Variants in IPO11 observed in about 807,000 individuals in gnomAD.
The protein encoded by IPO11 is importin-11.
In IPO11, 66 loss-of-function variants were observed where a neutral mutation model predicts 143.2. That is an observed-to-expected ratio of 0.46 (90% CI 0.38 to 0.57). IPO11 has a LOEUF of 0.57. Among genes scored for constraint, IPO11 ranks in the 20% least tolerant of loss-of-function variants. The pLI is 0.00. For missense variants in IPO11, 1,026 were observed against 1,141.0 expected (o/e 0.90, Z 1.45); for synonymous variants, 385 against 377.8 (o/e 1.02, Z -0.22).
chr5:62,442,328 AT>A (rs1744514018), intron 2 of IPO11, among the ~76,000 whole-genome samples: 1 of 152,126 alleles, frequency 6.6e-6, no homozygotes, highest in African/African-American at 2.4e-5. Context: ...GGCTTATGGT[AT>A]TCATTTGAAA....
intron 1 of IPO11, among the ~76,000 whole-genome samples, chr5:62,424,312 T>A (rs1743630607): frequency 6.6e-6 from 1 of 152,052 alleles, no homozygotes; most frequent in South Asian, 2.1e-4. Context: ...GCTAATTTTT[T>A]GTATTTTTGG....
intron 9 of IPO11, among the ~76,000 whole-genome samples, chr5:62,481,808 G>T (rs1026044624): frequency 6.6e-6 from 1 of 152,120 alleles, no homozygotes; most frequent in African/African-American, 2.4e-5. Context: ...CCTCATAAAA[G>T]GATTTAGGGA....
chr5:62,611,350 G>A (rs1745921412), intron 29 of IPO11, among the ~76,000 whole-genome samples: 1 of 152,150 alleles, frequency 6.6e-6, no homozygotes, highest in Non-Finnish European at 1.5e-5. Flanking sequence ...TCCTAAGGTA[G>A]CAGTTCTTCC....
intron 9 of IPO11, among the ~76,000 whole-genome samples, chr5:62,480,264 T>C (rs1420856272): frequency 2.6e-5 from 4 of 152,188 alleles, no homozygotes; most frequent in African/African-American, 9.6e-5. Flanking sequence ...TGTGGTGTTA[T>C]TTCTGAGAGC....
chr5:62,510,879 C>T (rs1467165527), intron 19 of IPO11, among the ~76,000 whole-genome samples: 3 of 151,918 alleles, frequency 2.0e-5, no homozygotes, highest in East Asian at 1.9e-4. Context: ...ATTACGGGTG[C>T]ACGCCACCAT....
chr5:62,555,942 G>A (rs1206773025), intron 26 of IPO11, among the ~76,000 whole-genome samples: 1 of 151,962 alleles, frequency 6.6e-6, no homozygotes, highest in Non-Finnish European at 1.5e-5. Flanking sequence ...AAGCCACTGT[G>A]CCCAGCCACC....
chr5:62,491,876 T>TA (rs1388132644), intron 15 of IPO11, among the ~76,000 whole-genome samples: 1 of 152,006 alleles, frequency 6.6e-6, no homozygotes, highest in Non-Finnish European at 1.5e-5. Flanking sequence ...TTCACTGTGT[T>TA]AGCCAGGATG....
chr5:62,576,450 T>C (rs1473742577), intron 27 of IPO11, among the ~76,000 whole-genome samples: 2 of 152,230 alleles, frequency 1.3e-5, no homozygotes, highest in Non-Finnish European at 2.9e-5. Flanking sequence ...AGCCATTCTT[T>C]ATATGTAAAC....
rs2112091887 is a variant in IPO11, at chr5:62,418,829, A to G, written c.-7+5900A>G. ...ATATAGATAACTAGGTCATGCAGAC[A>G]ACCTAGTCCTTTGTCTCCTTATTCT... On this transcript the variant is annotated intron_variant, in intron 1 of 29. Coordinates refer to ENST00000325324, the MANE Select transcript of IPO11 (RefSeq NM_016338.5). 9 of 567,960 alleles carry G rather than the reference A, an allele frequency of 1.6e-5. 1 individual carries two copies. The South Asian group carries it at 2.8e-4, about 18-fold the overall frequency. The allele number at this position is 567,960 out of a possible 1,614,324, so 35.2% of individuals were successfully genotyped here. A position where few individuals can be genotyped will look rare whatever the true frequency, so the allele number is the denominator to read the frequency against.
At chr5:62,499,327 A>C (rs1206052400) in intron 16 of IPO11, among the ~76,000 whole-genome samples, 1 of 152,228 alleles carries the variant, frequency 6.6e-6, no homozygotes, top group Non-Finnish European at 1.5e-5. Context: ...GAAAAGGTAC[A>C]GTAAGAATAT....
chr5:62,587,944 C>T (rs1399576725), intron 27 of IPO11, among the ~76,000 whole-genome samples: 3 of 152,184 alleles, frequency 2.0e-5, no homozygotes, highest in Admixed American at 1.3e-4. Context: ...ATCAGAAGGC[C>T]TCTGCCATCT....
chr5:62,439,373 G>A (rs1247029930), intron 2 of IPO11, among the ~76,000 whole-genome samples: 4 of 132,296 alleles, frequency 3.0e-5, no homozygotes, highest in African/African-American at 1.2e-4. Flanking sequence ...TGCAAGCTCC[G>A]CCTCCCAGGT....
chr5:62,456,396 A>G (rs949686021), intron 5 of IPO11, among the ~76,000 whole-genome samples: 1 of 152,166 alleles, frequency 6.6e-6, no homozygotes, highest in African/African-American at 2.4e-5. Context: ...AAAGTCACTA[A>G]AAATAAGGAA....
intron 28 of IPO11, among the ~76,000 whole-genome samples, chr5:62,596,313 A>C (rs1161479371): frequency 6.6e-6 from 1 of 150,910 alleles, no homozygotes; most frequent in African/African-American, 2.4e-5. Context: ...AGAAGCCTAG[A>C]GGCACTAAAA....
intron 22 of IPO11, among the ~76,000 whole-genome samples, chr5:62,533,952 TAA>T (rs745795199): frequency 8.5e-5 from 5 of 58,692 alleles, no homozygotes; most frequent in Admixed American, 1.6e-4. Flanking sequence ...GCTTTCTCTT[TAA>T]AAAAAAAAAA....
At chr5:62,593,080 C>T (rs1293213119) in intron 28 of IPO11, among the ~76,000 whole-genome samples, 2 of 152,160 alleles carry the variant, frequency 1.3e-5, no homozygotes, top group African/African-American at 4.8e-5. Context: ...TGGCTGATAG[C>T]ACAGTTAAAA....
chr5:62,422,193 C>T (rs1351429339), intron 1 of IPO11, among the ~76,000 whole-genome samples: 1 of 152,122 alleles, frequency 6.6e-6, no homozygotes, highest in African/African-American at 2.4e-5. Flanking sequence ...GTGACACCAT[C>T]TTGGCTCACT....
At chr5:62,439,893 A>G (rs1325612313) in intron 2 of IPO11, among the ~76,000 whole-genome samples, 1 of 152,058 alleles carries the variant, frequency 6.6e-6, no homozygotes, top group Non-Finnish European at 1.5e-5. Context: ...TCTCAGGCTT[A>G]TGTTCTAGTC....
chr5:62,580,950 T>C (rs1324227695), intron 27 of IPO11: 2 of 1,551,284 alleles, frequency 1.3e-6, no homozygotes, highest in African/African-American at 2.7e-5. Flanking sequence ...CTCTACCGAA[T>C]GATGCTGCTT....
Sources: gnomAD v4.1 joint callset for allele counts (sites outside exome capture counted in the v4.1 genomes callset) on GRCh38, gnomAD v4.1.1 for gene constraint, MANE v1.5 for transcripts, NCBI Gene and HGNC (gene_info 2026-07-23, HGNC 2026-07-21) for gene names.